Variants in PRMT8 observed in about 807,000 individuals in gnomAD.
The protein encoded by PRMT8 is protein arginine methyltransferase 8, also known as protein arginine N-methyltransferase 8.
PRMT8 carries 7 observed loss-of-function variants against 47.1 expected under a neutral mutation model. The ratio of observed to expected loss-of-function variants is 0.15; its 90% CI spans 0.08 to 0.28. The LOEUF (loss-of-function observed/expected upper bound fraction) is 0.28. Ranked by LOEUF, PRMT8 falls within the 10% of genes least tolerant of loss-of-function variation. The pLI is 1.00. For synonymous variants in PRMT8, 188 were observed against 186.5 expected (o/e 1.01, Z -0.07); for missense variants, 237 against 505.4 (o/e 0.47, Z 5.09).
chr12:3,485,429 TG>T (rs1326550303), intron 1 of PRMT8, among the ~76,000 whole-genome samples: 5 of 152,204 alleles, frequency 3.3e-5, no homozygotes, highest in African/African-American at 1.2e-4. Flanking sequence ...GAACTGGCAA[TG>T]GATATTAAGG....
intron 1 of PRMT8, among the ~76,000 whole-genome samples, chr12:3,439,838 T>C (rs1376833336): frequency 6.6e-6 from 1 of 152,204 alleles, no homozygotes; most frequent in East Asian, 1.9e-4. Context: ...TGTGTGAAAG[T>C]GTTGTCTTAA....
chr12:3,408,417 TG>T (rs1039690957), intron 1 of PRMT8, among the ~76,000 whole-genome samples: 1 of 152,070 alleles, frequency 6.6e-6, no homozygotes, highest in African/African-American at 2.4e-5. Context: ...AAAAATTTTT[TG>T]TAGAAATGAG....
chr12:3,433,135 C>T (rs1864700990), intron 1 of PRMT8, among the ~76,000 whole-genome samples: 1 of 152,214 alleles, frequency 6.6e-6, no homozygotes, highest in African/African-American at 2.4e-5. Context: ...TTCCCACTGG[C>T]TGCTCATCTG....
rs577677226 is a variant in PRMT8, at chr12:3,405,154, C to T, written c.48+23712C>T. 2.0e-5 allele frequency among the ~76,000 whole-genome samples: 3 copies of T among 152,264 alleles called. No homozygotes were observed. The East Asian group carries it at 5.8e-4, about 29-fold the overall frequency. ...CTTACAATCATGGCAGAAGGGGAAG[C>T]AAACATGTCCTTCTTCACATGGTTG... is the stretch of plus-strand genomic sequence containing the variant. On this transcript the variant is annotated intron_variant, in intron 1 of 9. Coordinates refer to the PRMT8 transcript ENST00000452611.
chr12:3,443,555 C>G (rs928623313), intron 1 of PRMT8, among the ~76,000 whole-genome samples: 2 of 152,176 alleles, frequency 1.3e-5, no homozygotes, highest in African/African-American at 4.8e-5. Context: ...CCAGCCTGGC[C>G]AAAGCCACCA....
At chr12:3,397,522 CG>C (rs1565398109) in intron 1 of PRMT8, among the ~76,000 whole-genome samples, 1 of 151,206 alleles carries the variant, frequency 6.6e-6, no homozygotes, top group African/African-American at 2.4e-5. Flanking sequence ...TTAGGCTGCT[CG>C]GGGGTCAGGG....
intron 1 of PRMT8, among the ~76,000 whole-genome samples, chr12:3,485,444 T>C (rs11062680): frequency 0.018 from 2,758 of 152,270 alleles, 86 homozygotes; most frequent in African/African-American, 0.062. Flanking sequence ...ATTAAGGTAA[T>C]ATCACTTTGG....
intron 6 of PRMT8, among the ~76,000 whole-genome samples, chr12:3,574,592 T>C (rs1866906043): frequency 6.6e-6 from 1 of 152,280 alleles, no homozygotes; most frequent in Non-Finnish European, 1.5e-5. Context: ...ATGTATCAAG[T>C]GCTTTCTGTG....
chr12:3,531,013 G>A (rs1866023004), intron 1 of PRMT8, among the ~76,000 whole-genome samples: 1 of 152,164 alleles, frequency 6.6e-6, no homozygotes, highest in African/African-American at 2.4e-5. Flanking sequence ...GAACCCACCG[G>A]TGCTGTTTCT....
At position 3,583,051 on chromosome 12, in the gene PRMT8, G is replaced by A; in HGVS notation, c.829-7G>A. ...GTTCCCGGCATTCTCTCTTCTCTGG[G>A]CTGCAGGAGGTGGACATTTACACAG... is the stretch of plus-strand genomic sequence containing the variant. On this transcript the variant is annotated splice_region_variant and splice_polypyrimidine_tract_variant and intron_variant, in intron 7 of 9. Transcript: ENST00000382622. The surrounding 1 kb of genome is among the most constrained non-coding windows in gnomAD (Gnocchi z 4.7). 6.2e-7 allele frequency: 1 copy of A among 1,612,348 alleles called. No homozygotes were observed. The highest frequency in any genetic ancestry group is 8.5e-7 in the Non-Finnish European group (1 of 1,179,288).
intron 1 of PRMT8, among the ~76,000 whole-genome samples, chr12:3,506,263 C>T (rs1049062437): frequency 6.6e-6 from 1 of 152,190 alleles, no homozygotes; most frequent in African/African-American, 2.4e-5. Flanking sequence ...ACATAAAGCA[C>T]ATGTCTGGCA....
At chr12:3,398,159 C>T (rs1864280277) in intron 1 of PRMT8, among the ~76,000 whole-genome samples, 3 of 152,220 alleles carry the variant, frequency 2.0e-5, no homozygotes, top group African/African-American at 4.8e-5. Context: ...GCAGAAATCA[C>T]CCGTTTTCTG....
intron 1 of PRMT8, among the ~76,000 whole-genome samples, chr12:3,527,632 TTTTATTCCTATGTATTTATAA>T (rs1865967386): frequency 6.6e-6 from 1 of 152,190 alleles, no homozygotes. Flanking sequence ...CTGTCATTGA[TTTTATTCCTATGTATTTATAA>T]TTCTTACAAG....
Position 3,538,468 on chromosome 12 carries a change from T to G in PRMT8, c.76-2138T>G, listed in dbSNP as rs528422444. 33 of 363,414 alleles carry G rather than the reference T, an allele frequency of 9.1e-5. No homozygotes were observed. Among genetic ancestry groups the G allele is most frequent in the African/African-American group, 4.5e-4 (21 of 47,084 alleles). 22.5% of individuals were successfully genotyped at this position (363,414 alleles called of 1,614,324 possible). On this transcript the variant is annotated intron_variant, in intron 1 of 9. Transcript: ENST00000382622. The surrounding 1 kb of genome is among the most constrained non-coding windows in gnomAD (Gnocchi z 4.6). ...TGAATGTTCAGGGATCACAGGCCAC[T>G]GCCGTTTCCCACCCACTCCCAGCCT...
chr12:3,455,189 G>A lies in PRMT8; in HGVS notation c.48+73747G>A, dbSNP rs140640288. Among the ~76,000 whole-genome samples the A allele has an allele frequency of 2.5e-3, 384 of 152,264 alleles. 2 individuals are homozygous for A. Among genetic ancestry groups the A allele is most frequent in the Non-Finnish European group, 2.9e-3 (200 of 68,028 alleles). ...CTGGTAACTGGTCTGTTACTGTGCG[G>A]TGGGCATAACTGGTCTGTTACTGTG... On this transcript the variant is annotated intron_variant, in intron 1 of 9. Coordinates refer to the PRMT8 transcript ENST00000452611.
chr12:3,568,923 G>T, intron 5 of PRMT8, 75 bp downstream of exon 5: 1 of 1,584,058 alleles, frequency 6.3e-7, no homozygotes, highest in Non-Finnish European at 8.6e-7. Flanking sequence ...TGCAGCCTAG[G>T]AGGCATACGA....
At chr12:3,391,059 G>C (rs1024125188) in intron 1 of PRMT8, among the ~76,000 whole-genome samples, 1 of 152,144 alleles carries the variant, frequency 6.6e-6, no homozygotes, top group Non-Finnish European at 1.5e-5. Context: ...GGCTCTGAGG[G>C]GATTCACCAG....
chr12:3,384,220 A>G (rs1864119334), intron 1 of PRMT8, among the ~76,000 whole-genome samples: 1 of 150,788 alleles, frequency 6.6e-6, no homozygotes, highest in African/African-American at 2.4e-5. Context: ...TTGGAGATGC[A>G]TTTTATCAGG....
chr12:3,395,823 C>T (rs1392866290), intron 1 of PRMT8, among the ~76,000 whole-genome samples: 1 of 151,766 alleles, frequency 6.6e-6, no homozygotes, highest in Non-Finnish European at 1.5e-5. Flanking sequence ...GTTAAAGTCT[C>T]CCATTACTAA....
Sources: gnomAD v4.1 joint callset for allele counts (sites outside exome capture counted in the v4.1 genomes callset) on GRCh38, gnomAD v4.1.1 for gene constraint, Gnocchi (gnomAD v3.1) non-coding constraint, MANE v1.5 for transcripts, NCBI Gene and HGNC (gene_info 2026-07-23, HGNC 2026-07-21) for gene names.